Variants in STKLD1 observed in about 807,000 individuals in gnomAD.
STKLD1 encodes the protein serine/threonine kinase like domain containing 1.
Under a neutral mutation model 80.4 loss-of-function variants are expected in STKLD1, and 79 were observed. That is an observed-to-expected ratio of 0.98 (90% CI 0.82 to 1.19). The LOEUF (loss-of-function observed/expected upper bound fraction) is 1.19. Among genes scored for constraint, STKLD1 ranks in the 50% most tolerant of loss-of-function variants. STKLD1 has a pLI of 0.00. For synonymous variants in STKLD1, 393 were observed against 357.6 expected (o/e 1.10, Z -1.12); for missense variants, 841 against 856.0 (o/e 0.98, Z 0.22).
At chr9:133,395,492 C>T in intron 8 of STKLD1, 108 bp from the exon 9 acceptor site, 1 of 1,270,906 alleles carries the variant, frequency 7.9e-7, no homozygotes, top group Admixed American at 2.4e-5. Context: ...ACCTGGCTCT[C>T]CCTGGTCTCC....
intron 11 of STKLD1, among the ~76,000 whole-genome samples, chr9:133,399,634 G>A (rs1838645058): frequency 6.6e-6 from 1 of 152,182 alleles, no homozygotes; most frequent in African/African-American, 2.4e-5. Context: ...CCAGCACTTT[G>A]GGAGGGGCTG....
In STKLD1 at chr9:133,394,434, C is replaced by A; in HGVS notation, c.702+25C>A. On this transcript the variant is annotated intron_variant, in intron 8 of 17. Transcript: ENST00000371957. This position sits in a 1 kb window ranked among gnomAD's most constrained non-coding sequence, Gnocchi z 4.9. ...TGTGAGCCGCCCTCCCTCCCCCACA[C>A]CCCACATGCTGTTCCCCACGCGCCC... 6.5e-7 allele frequency: 1 copy of A among 1,539,656 alleles called. No homozygotes were observed. Among genetic ancestry groups the A allele is most frequent in the South Asian group, 1.1e-5 (1 of 89,660 alleles).
At chr9:133,400,619 G>A (rs782379126) in intron 12 of STKLD1, 90 bp downstream of exon 12, 43 of 1,046,830 alleles carry the variant, frequency 4.1e-5, no homozygotes, top group African/African-American at 1.2e-4. Flanking sequence ...GCACCGGGCC[G>A]GGTGGGTTAG....
intron 7 of STKLD1, among the ~76,000 whole-genome samples, chr9:133,392,811 ATGAG>A (rs1176658943): frequency 2.3e-4 from 10 of 42,854 alleles, no homozygotes; most frequent in African/African-American, 7.2e-4. Context: ...GGATGGATGG[ATGAG>A]TGGATGGATG....
intron 16 of STKLD1, among the ~76,000 whole-genome samples, chr9:133,404,563 A>G (rs1157798686): frequency 6.6e-6 from 1 of 152,152 alleles, no homozygotes; most frequent in South Asian, 2.1e-4. Flanking sequence ...CCAGAGTGAC[A>G]ACGACCCCTT....
At chr9:133,387,607 C>T (rs2130280205) in intron 5 of STKLD1, 59 bp downstream of exon 5, 22 of 1,346,704 alleles carry the variant, frequency 1.6e-5, no homozygotes, top group South Asian at 4.7e-5. Context: ...ACAGGCCCTG[C>T]GGTGCAGGGC....
chr9:133,378,083 G>A (rs2130256723), intron 1 of STKLD1, among the ~76,000 whole-genome samples: 12 of 152,120 alleles, frequency 7.9e-5, no homozygotes, highest in South Asian at 4.1e-4. Flanking sequence ...CATGGGGAGC[G>A]GCTGTAAATA....
At chr9:133,405,143 G>A in intron 17 of STKLD1, 109 bp from the exon 18 acceptor site, 1 of 1,412,710 alleles carries the variant, frequency 7.1e-7, no homozygotes, top group Non-Finnish European at 9.5e-7. Context: ...AGGTGGCTCT[G>A]TGCATGCCAA....
At position 133,385,798 on chromosome 9, in the gene STKLD1, G is replaced by A. The variant is rs1588740400; in HGVS notation, c.294+107G>A. 4 of 1,047,160 alleles carry A rather than the reference G, an allele frequency of 3.8e-6. No individual in the cohort carries two copies. The highest frequency in any genetic ancestry group is 5.8e-6 in the Non-Finnish European group (4 of 694,800). 64.9% of individuals were successfully genotyped at this position (1,047,160 alleles called of 1,614,324 possible). The stretch of plus-strand genomic sequence containing the variant: ...ACCCCCCACTGTCAGAATAGCTCGT[G>A]TGGCAATGGCAGTGACTGTAAACGT... On this transcript the variant is annotated intron_variant, in intron 4 of 17. Transcript: ENST00000371957. This position sits in a 1 kb window ranked among gnomAD's most constrained non-coding sequence, Gnocchi z 4.9.
chr9:133,383,662 GTGA>G (rs1421916777), intron 2 of STKLD1, among the ~76,000 whole-genome samples, 191 bp from the exon 3 acceptor site: 6 of 150,714 alleles, frequency 4.0e-5, no homozygotes, highest in Non-Finnish European at 8.9e-5. Context: ...GGCAGTGATG[GTGA>G]TGATGGTGAT....
In STKLD1 at chr9:133,389,664, G is replaced by A. The variant is rs2130284839; in HGVS notation, c.467+68G>A. ...GGGAGAAAAGGCACTGAGGCCACTC[G>A]GGTGCCAGTGCCCGTGGGCAGGATC... is the stretch of plus-strand genomic sequence containing the variant. On this transcript the variant is annotated intron_variant, in intron 6 of 17. Coordinates refer to ENST00000371957, the MANE Select transcript of STKLD1 (RefSeq NM_153710.5). This position sits in a 1 kb window ranked among gnomAD's most constrained non-coding sequence, Gnocchi z 6.4. 19 of 1,598,222 alleles carry A rather than the reference G, an allele frequency of 1.2e-5. No homozygotes were observed. Among genetic ancestry groups the A allele is most frequent in the African/African-American group, 9.4e-5 (7 of 74,748 alleles).
At chr9:133,387,590 C>A in intron 5 of STKLD1, 42 bp downstream of exon 5, 1 of 1,516,920 alleles carries the variant, frequency 6.6e-7, no homozygotes, top group Non-Finnish European at 9.2e-7. Context: ...CCACCTAGAC[C>A]TGTGACACAG....
chr9:133,402,892 T>C lies in STKLD1; in HGVS notation c.1354T>C (p.Ser452Pro). ...CTCACCCACAGAGTCAGAGTCACTG[T>C]CAGAGGAGCTGCAGAATGCTGGGCT... Reference protein sequence around the residue: ...ITTTQESESLSEELQNAGLLE... With the variant: ...ITTTQESESLPEELQNAGLLE... Residue 452 changes from serine (S) to proline (P), a missense_variant, in exon 14 of 18, where the codon TCA becomes CCA. By Grantham distance (74) the Ser-to-Pro change is moderately conservative. Coordinates refer to ENST00000371957, the MANE Select transcript of STKLD1 (RefSeq NM_153710.5). 1 of 1,595,082 alleles carries C rather than the reference T, an allele frequency of 6.3e-7. No individual in the cohort carries two copies. The highest frequency in any genetic ancestry group is 8.5e-7 in the Non-Finnish European group (1 of 1,171,268).
Position 133,388,159 on chromosome 9 carries a change from C to T in STKLD1, c.396+611C>T, listed in dbSNP as rs146314159. 2.2e-3 allele frequency among the ~76,000 whole-genome samples: 337 copies of T among 152,266 alleles called. 2 individuals carry two copies. Among genetic ancestry groups the T allele is most frequent in the Non-Finnish European group, 9.0e-4 (61 of 68,020 alleles). On this transcript the variant is annotated intron_variant, in intron 5 of 17. Transcript: ENST00000371957. ...TCAGTGGATGCTCCAAACAGATTTC[C>T]GACTTGGTTTGGTTGGCCCCATGTT...
chr9:133,391,841 T>TA (rs2130290318), intron 7 of STKLD1, among the ~76,000 whole-genome samples: 506 of 136,846 alleles, frequency 3.7e-3, no homozygotes, highest in Non-Finnish European at 5.5e-3. Flanking sequence ...AATGATCAAT[T>TA]AAAAAAAAAA....
chr9:133,376,597 T>C (rs1697689103), intron 1 of STKLD1, 37 bp downstream of exon 1: 1 of 1,532,680 alleles, frequency 6.5e-7, no homozygotes, highest in Non-Finnish European at 8.8e-7. Flanking sequence ...GGGAGCTCCG[T>C]GGGGTAACGG....
intron 2 of STKLD1, 62 bp from the exon 3 acceptor site, chr9:133,383,794 G>T: frequency 1.3e-6 from 2 of 1,501,964 alleles, no homozygotes; most frequent in South Asian, 2.3e-5. Context: ...GGTGGTGATG[G>T]CGGTGATAAC....
At position 133,390,558 on chromosome 9, in the gene STKLD1, C is replaced by A. The variant is rs2130286710; in HGVS notation, c.468-123C>A. 2.0e-5 allele frequency: 14 copies of A among 691,754 alleles called. No individual in the cohort carries two copies. In the African/African-American group the frequency reaches 2.5e-4, roughly 12 times the overall value. The allele number at this position is 691,754 out of a possible 1,614,324, so 42.9% of individuals were successfully genotyped here. Reference sequence around the variant, plus strand: ...GAGGATGTGGGCTGCTGCTGCAGAACCAGGTGGGGCAGGGAGCAGAGAGTC... The same window carrying A: ...GAGGATGTGGGCTGCTGCTGCAGAAACAGGTGGGGCAGGGAGCAGAGAGTC... On this transcript the variant is annotated intron_variant, in intron 6 of 17. Coordinates refer to ENST00000371957, the MANE Select transcript of STKLD1 (RefSeq NM_153710.5). This position sits in a 1 kb window ranked among gnomAD's most constrained non-coding sequence, Gnocchi z 5.1.
chr9:133,390,426 T>C lies in STKLD1; in HGVS notation c.468-255T>C, dbSNP rs1310579128. Among the ~76,000 whole-genome samples the C allele has an allele frequency of 6.6e-6, 1 of 152,124 alleles. No individual in the cohort carries two copies. Among genetic ancestry groups the C allele is most frequent in the Non-Finnish European group, 1.5e-5 (1 of 68,022 alleles). ...TCGGAGTGCTGGGTGTGTTCCTACT[T>C]GTGGTTGAGGATTTTTCCCCCGATT... On this transcript the variant is annotated intron_variant, in intron 6 of 17. Transcript: ENST00000371957. This position sits in a 1 kb window ranked among gnomAD's most constrained non-coding sequence, Gnocchi z 5.1.
Sources: gnomAD v4.1 joint callset for allele counts (sites outside exome capture counted in the v4.1 genomes callset) on GRCh38, gnomAD v4.1.1 for gene constraint, Gnocchi (gnomAD v3.1) non-coding constraint, MANE v1.5 for transcripts, NCBI Gene and HGNC (gene_info 2026-07-23, HGNC 2026-07-21) for gene names.